The following EPHA8 variants were observed in gnomAD, a reference collection of about 807,000 sequenced individuals.
EPHA8 encodes ephrin type-A receptor 8.
In EPHA8, 58 loss-of-function variants were observed where a neutral mutation model predicts 103.6. The ratio of observed to expected loss-of-function variants is 0.56; its 90% CI spans 0.45 to 0.70. The LOEUF (loss-of-function observed/expected upper bound fraction) is 0.70. Among genes scored for constraint, EPHA8 ranks in the 30% least tolerant of loss-of-function variants. EPHA8 has a pLI of 0.00. For synonymous variants in EPHA8, 559 were observed against 572.5 expected (o/e 0.98, Z 0.34); for missense variants, 1,304 against 1,395.2 (o/e 0.93, Z 1.04).
rs561086294 is a variant in EPHA8 at position 22,601,795 on chromosome 1, C to A, written c.*54C>A. ...CCAAGCCCACCCCAGGTCATGCCAG[C>A]GGCAGAGGACGTGAGGGGCTGGCAG... On this transcript the variant is annotated 3_prime_UTR_variant, in exon 17 of 17. Coordinates refer to ENST00000166244, the MANE Select transcript of EPHA8 (RefSeq NM_020526.5). 26 of 1,495,510 alleles carry A rather than the reference C, an allele frequency of 1.7e-5. No homozygotes were observed. In the Admixed American group the frequency reaches 4.8e-4, roughly 28 times the overall value. 92.6% of individuals were successfully genotyped at this position (1,495,510 alleles called of 1,614,324 possible). A position where few individuals can be genotyped will look rare whatever the true frequency, so the allele number is the denominator to read the frequency against.
Position 22,601,321 on chromosome 1 carries a change from C to G in EPHA8, c.2751C>G (p.Val917=). ...TCAGGTGCCCACCCCCTGCCTTCGT[C>G]CGGAGCTGCTTTGACCTCCGAGGGG... ...TVSRCPPPAF[V]RSCFDLRGGS... Residue 917 remains valine (V), a synonymous_variant, in exon 16 of 17, where the codon GTC becomes GTG. Coordinates refer to ENST00000166244, the MANE Select transcript of EPHA8 (RefSeq NM_020526.5). 1 of 1,605,114 alleles carries G rather than the reference C, an allele frequency of 6.2e-7. No homozygotes were observed. The highest frequency in any genetic ancestry group is 1.1e-5 in the South Asian group (1 of 90,214).
In EPHA8 at chr1:22,578,261, CGT is replaced by C. The variant is rs1313109039; in HGVS notation, c.823+1387_823+1388del. ...GTGTGCATGTGTGTGTCTGTATACC[CGT>C]GTGTGCATGAGTGCATGTGTACGTG... is the stretch of plus-strand genomic sequence containing the variant. On this transcript the variant is annotated intron_variant, in intron 3 of 16. Coordinates refer to ENST00000166244, the MANE Select transcript of EPHA8 (RefSeq NM_020526.5). Among the ~76,000 whole-genome samples, 10 of 120,018 alleles carry C rather than the reference CGT, an allele frequency of 8.3e-5. No individual in the cohort carries two copies. In the East Asian group the frequency reaches 1.3e-3, roughly 16 times the overall value. The allele number at this position is 120,018 out of a possible 152,430, so 78.7% of individuals were successfully genotyped here.
intron 1 of EPHA8, among the ~76,000 whole-genome samples, chr1:22,564,095 G>A (rs574462151): frequency 1.3e-5 from 2 of 151,552 alleles, no homozygotes; most frequent in African/African-American, 4.8e-5. Context: ...GGTACAGTGA[G>A]GTAGGGCAAG....
intron 2 of EPHA8, among the ~76,000 whole-genome samples, chr1:22,572,730 C>A (rs147227345): frequency 1.3e-5 from 2 of 152,204 alleles, no homozygotes; most frequent in African/African-American, 4.8e-5. Flanking sequence ...ACAGCTGGTT[C>A]GCTGCATTCT....
intron 4 of EPHA8, 136 bp downstream of exon 4, chr1:22,586,771 A>T: frequency 3.0e-5 from 31 of 1,037,042 alleles, no homozygotes; most frequent in African/African-American, 4.5e-5. Flanking sequence ...GCCAGAGGCC[A>T]GTCTGAGGTG....
Position 22,588,872 on chromosome 1 carries a change from G to A in EPHA8, c.981G>A (p.Arg327=). 1.3e-6 allele frequency: 2 copies of A among 1,579,274 alleles called. No homozygotes were observed. Among genetic ancestry groups the A allele is most frequent in the Non-Finnish European group, 1.7e-6 (2 of 1,164,250 alleles). The stretch of plus-strand genomic sequence containing the variant: ...CCATCTGTCATCCTCTGCCCTCAGG[G>A]CCACCCTCGGCACCAGTGAACCTGA... ...ALDPPSSACT[R]PPSAPVNLIS... Residue 327 remains arginine, a splice_region_variant and synonymous_variant, in exon 5 of 17, where the codon CGG becomes CGA. Transcript: ENST00000166244.
At chr1:22,595,676 T>C (rs921812857) in intron 8 of EPHA8, among the ~76,000 whole-genome samples, 2 of 152,156 alleles carry the variant, frequency 1.3e-5, no homozygotes, top group African/African-American at 4.8e-5. Context: ...GTGTGTGGGC[T>C]TGGGATCCCA....
intron 3 of EPHA8, among the ~76,000 whole-genome samples, chr1:22,578,399 T>C (rs879937769): frequency 7.7e-6 from 1 of 130,684 alleles, no homozygotes; most frequent in Non-Finnish European, 1.6e-5. Flanking sequence ...CATGTCTGCA[T>C]GAGTGTATGC....
chr1:22,578,396 G>C (rs923012948), intron 3 of EPHA8, among the ~76,000 whole-genome samples: 1 of 146,622 alleles, frequency 6.8e-6, no homozygotes, highest in South Asian at 2.2e-4. Flanking sequence ...ATGCATGTCT[G>C]CATGAGTGTA....
rs1271276164 is a variant in EPHA8, at chr1:22,574,985, C to G, written c.160-1232C>G. Among the ~76,000 whole-genome samples, 6 of 152,148 alleles carry G rather than the reference C, an allele frequency of 3.9e-5. No homozygotes were observed. In the East Asian group the frequency reaches 5.8e-4, roughly 15 times the overall value. On this transcript the variant is annotated intron_variant, in intron 2 of 16. Transcript: ENST00000166244. ...TTTTTTTTTAAGAGGGAGTCTCGCTCTGTTGCTCAGGCTGGAGAACAGTAG... is the reference window on the plus strand; with the variant it reads ...TTTTTTTTTAAGAGGGAGTCTCGCTGTGTTGCTCAGGCTGGAGAACAGTAG...
Position 22,569,161 on chromosome 1 carries a change from G to T in EPHA8, c.95-128G>T. 1.2e-6 allele frequency: 1 copy of T among 827,404 alleles called. No individual in the cohort carries two copies. Among genetic ancestry groups the T allele is most frequent in the Non-Finnish European group, 2.0e-6 (1 of 507,666 alleles). The allele number at this position is 827,404 out of a possible 1,614,324, so 51.3% of individuals were successfully genotyped here. On this transcript the variant is annotated intron_variant, in intron 1 of 16. Transcript: ENST00000166244. This position sits in a 1 kb window ranked among gnomAD's most constrained non-coding sequence, Gnocchi z 4.5. ...GAGGGGAAGAGAGAAAGGGCATTCA[G>T]GCAGAGGGACCCGTGTGAGCTGTGT...
intron 13 of EPHA8, among the ~76,000 whole-genome samples, chr1:22,599,666 GGGAGGAAGGAGGGAAGGAAGGAAA>G (rs1641630902): frequency 1.5e-5 from 1 of 66,852 alleles, no homozygotes; most frequent in African/African-American, 8.9e-5. Context: ...AAAGGAGGGA[GGGAGGAAGGAGGGAAGGAAGGAAA>G]GGAGGGAGGG....
chr1:22,586,618 C>T lies in EPHA8; in HGVS notation c.962C>T (p.Pro321Leu), dbSNP rs56656925. 2.4e-3 allele frequency: 3,799 copies of T among 1,613,880 alleles called. 68 individuals are homozygous for T. The African/African-American group carries it at 0.04, about 17-fold the overall frequency. Residue 321 changes from proline to leucine, a missense_variant, in exon 4 of 17, where the codon CCG (proline) becomes CTG (leucine). Pro to Leu is a moderately conservative substitution (Grantham distance 98). Coordinates refer to ENST00000166244, the MANE Select transcript of EPHA8 (RefSeq NM_020526.5). Reference protein sequence around the residue: ...LSYYRAALDPPSSACTRPPSA... With the variant: ...LSYYRAALDPLSSACTRPPSA... ...TACTACCGTGCAGCCCTGGACCCGC[C>T]GTCCTCAGCCTGCACCCGTGAGTAC... is the stretch of plus-strand genomic sequence containing the variant.
At position 22,597,187 on chromosome 1, in the gene EPHA8, C is replaced by T; in HGVS notation, c.1766-125C>T. ...ATACTTATGGGGTGCGTGTTGTTTG[C>T]TACCACATCCAGAGACTCCCAGAGA... On this transcript the variant is annotated intron_variant, in intron 9 of 16. Transcript: ENST00000166244. This position sits in a 1 kb window ranked among gnomAD's most constrained non-coding sequence, Gnocchi z 4.6. The T allele has an allele frequency of 4.0e-6, 3 of 756,310 alleles. No individual in the cohort carries two copies. The highest frequency in any genetic ancestry group is 6.1e-6 in the Non-Finnish European group (3 of 491,728). 46.8% of individuals were successfully genotyped at this position (756,310 alleles called of 1,614,324 possible).
intron 3 of EPHA8, among the ~76,000 whole-genome samples, chr1:22,584,200 G>T (rs762621963): frequency 1.3e-4 from 20 of 152,202 alleles, no homozygotes; most frequent in Non-Finnish European, 2.6e-4. Context: ...AGGAGCCTGT[G>T]CCCAAGGCTG....
At chr1:22,590,336 A>G (rs1202270003) in intron 5 of EPHA8, among the ~76,000 whole-genome samples, 3 of 152,060 alleles carry the variant, frequency 2.0e-5, no homozygotes, top group East Asian at 3.9e-4. Flanking sequence ...TAAAGAGGAA[A>G]CTAGACCCTG....
intron 5 of EPHA8, among the ~76,000 whole-genome samples, chr1:22,592,954 G>C (rs890754330): frequency 2.0e-5 from 3 of 152,214 alleles, no homozygotes; most frequent in African/African-American, 7.2e-5. Context: ...AACCCAGGCA[G>C]TGAGGGGCCA....
At chr1:22,599,753 G>A (rs558942511) in intron 13 of EPHA8, among the ~76,000 whole-genome samples, 13 of 60,296 alleles carry the variant, frequency 2.2e-4, no homozygotes, top group African/African-American at 1.1e-3. Flanking sequence ...GGAGGAAGGA[G>A]GGAAAGAAGG....
intron 9 of EPHA8, 48 bp downstream of exon 9, chr1:22,596,221 G>T (rs755714455): frequency 1.3e-6 from 2 of 1,585,468 alleles, no homozygotes; most frequent in Admixed American, 3.3e-5. Flanking sequence ...GGCCACAGGG[G>T]GACCCAGTGC....
Sources: allele counts gnomAD v4.1 joint callset (sites outside exome capture counted in the v4.1 genomes callset), GRCh38; gene constraint gnomAD v4.1.1; non-coding constraint Gnocchi (gnomAD v3.1); transcripts MANE v1.5; gene names NCBI Gene and HGNC (gene_info 2026-07-23, HGNC 2026-07-21).